The following OSBPL8 variants were observed in gnomAD, a reference collection of about 807,000 sequenced individuals.
OSBPL8 encodes oxysterol-binding protein-related protein 8.
A neutral mutation model predicts 125.5 loss-of-function variants in OSBPL8; 59 were observed. The ratio of observed to expected loss-of-function variants is 0.47; its 90% CI spans 0.38 to 0.58. The LOEUF is 0.58. Ranked by LOEUF, OSBPL8 falls within the 20% of genes least tolerant of loss-of-function variation. The pLI, the probability that OSBPL8 is intolerant of heterozygous loss-of-function variation, is 0.00. For missense variants in OSBPL8, 758 were observed against 1,047.8 expected (o/e 0.72, Z 3.82); for synonymous variants, 330 against 338.9 (o/e 0.97, Z 0.29).
chr12:76,505,954 T>C (rs546211924), intron 1 of OSBPL8, among the ~76,000 whole-genome samples: 14 of 152,330 alleles, frequency 9.2e-5, no homozygotes, highest in African/African-American at 3.4e-4. Context: ...TCATTTGGGC[T>C]ACTAATTGAG....
At chr12:76,477,672 TA>T (rs1876973824) in intron 2 of OSBPL8, among the ~76,000 whole-genome samples, 1 of 152,150 alleles carries the variant, frequency 6.6e-6, no homozygotes, top group Non-Finnish European at 1.5e-5. Context: ...AAAAACTAAG[TA>T]AATCTGAATC....
chr12:76,518,710 T>A (rs1267873536), intron 1 of OSBPL8, among the ~76,000 whole-genome samples: 1 of 152,162 alleles, frequency 6.6e-6, no homozygotes, highest in Non-Finnish European at 1.5e-5. Flanking sequence ...TAACACCACA[T>A]GGAAGCCACT....
chr12:76,366,608 C>T (rs1298415200), intron 21 of OSBPL8: 3 of 446,592 alleles, frequency 6.7e-6, no homozygotes, highest in East Asian at 7.0e-5. Flanking sequence ...TCTTCTTTTT[C>T]CAGTTTCTCA....
chr12:76,359,856 C>T (rs779548016), intron 21 of OSBPL8, among the ~76,000 whole-genome samples: 69 of 152,094 alleles, frequency 4.5e-4, no homozygotes, highest in Admixed American at 1.7e-3. Flanking sequence ...TCCCACAACA[C>T]GTGGTAATTA....
At chr12:76,457,223 A>T (rs1394547412) in intron 3 of OSBPL8, among the ~76,000 whole-genome samples, 1 of 152,204 alleles carries the variant, frequency 6.6e-6, no homozygotes. Context: ...GAAAATTATT[A>T]CAGTAGTACG....
At chr12:76,491,297 A>T (rs1878689016) in intron 1 of OSBPL8, among the ~76,000 whole-genome samples, 1 of 152,240 alleles carries the variant, frequency 6.6e-6, no homozygotes, top group Non-Finnish European at 1.5e-5. Flanking sequence ...TCTCACAGTA[A>T]CTATAAATAT....
chr12:76,466,100 C>A (rs1426752609), intron 2 of OSBPL8, among the ~76,000 whole-genome samples: 1 of 151,920 alleles, frequency 6.6e-6, no homozygotes, highest in African/African-American at 2.4e-5. Flanking sequence ...TATGATATGA[C>A]CCTACTTTTA....
chr12:76,419,637 T>C (rs1052809652), intron 4 of OSBPL8, among the ~76,000 whole-genome samples: 3 of 152,050 alleles, frequency 2.0e-5, no homozygotes, highest in African/African-American at 4.8e-5. Flanking sequence ...ATTCTCTTCA[T>C]ATAAAAAGAA....
intron 3 of OSBPL8, among the ~76,000 whole-genome samples, chr12:76,455,944 G>C (rs1415188062): frequency 6.6e-6 from 1 of 152,138 alleles, no homozygotes; most frequent in Admixed American, 6.5e-5. Context: ...GCCCTCTGCT[G>C]TTTCTACTTC....
At chr12:76,484,931 T>C (rs1159160385) in intron 2 of OSBPL8, among the ~76,000 whole-genome samples, 3 of 152,166 alleles carry the variant, frequency 2.0e-5, no homozygotes, top group African/African-American at 4.8e-5. Context: ...ATTTTTATTA[T>C]TTTTTTGAGA....
intron 5 of OSBPL8, among the ~76,000 whole-genome samples, chr12:76,408,764 C>T (rs1394287262): frequency 6.6e-6 from 1 of 152,062 alleles, no homozygotes; most frequent in African/African-American, 2.4e-5. Flanking sequence ...GTACCCAAAG[C>T]ATAGTTCTAA....
At chr12:76,513,744 GT>G (rs35639287) in intron 1 of OSBPL8, among the ~76,000 whole-genome samples, 28,598 of 105,314 alleles carry the variant, frequency 0.27, 3,436 homozygotes, top group African/African-American at 0.33. Context: ...TAACCCCTGG[GT>G]TTTTTTTTTT....
At chr12:76,531,781 T>A (rs1288322791) in intron 1 of OSBPL8, among the ~76,000 whole-genome samples, 2 of 152,098 alleles carry the variant, frequency 1.3e-5, no homozygotes, top group Non-Finnish European at 2.9e-5. Context: ...CTCACGCCTG[T>A]AATCCCAGCA....
At chr12:76,500,848 A>G (rs566048330) in intron 1 of OSBPL8, among the ~76,000 whole-genome samples, 1 of 152,314 alleles carries the variant, frequency 6.6e-6, no homozygotes, top group South Asian at 2.1e-4. Flanking sequence ...GGGGCCACAT[A>G]TATGTTTGGA....
At chr12:76,530,548 CT>C (rs924033932) in intron 1 of OSBPL8, among the ~76,000 whole-genome samples, 41 of 152,010 alleles carry the variant, frequency 2.7e-4, no homozygotes, top group Non-Finnish European at 5.4e-4. Context: ...TTACCAACTA[CT>C]TTTTTTTCCA....
At chr12:76,511,525 T>G (rs1239092793) in intron 1 of OSBPL8, among the ~76,000 whole-genome samples, 2 of 152,270 alleles carry the variant, frequency 1.3e-5, no homozygotes, top group Non-Finnish European at 2.9e-5. Flanking sequence ...AGGTATGTCT[T>G]CTTTCGAAAA....
intron 3 of OSBPL8, among the ~76,000 whole-genome samples, chr12:76,458,299 G>C (rs1347477855): frequency 6.6e-6 from 1 of 151,724 alleles, no homozygotes; most frequent in African/African-American, 2.4e-5. Context: ...AACATTTTGA[G>C]ATTTGTGTTC....
At chr12:76,494,568 T>A (rs1430184582) in intron 1 of OSBPL8, among the ~76,000 whole-genome samples, 1 of 152,062 alleles carries the variant, frequency 6.6e-6, no homozygotes, top group African/African-American at 2.4e-5. Context: ...CTACATGAAT[T>A]TTGAAGGTAG....
intron 4 of OSBPL8, among the ~76,000 whole-genome samples, chr12:76,430,441 G>A (rs1402663493): frequency 6.6e-6 from 1 of 152,140 alleles, no homozygotes; most frequent in Non-Finnish European, 1.5e-5. Flanking sequence ...GACTGGAGGA[G>A]GTATTTGCTC....
Sources: allele counts gnomAD v4.1 joint callset (sites outside exome capture counted in the v4.1 genomes callset), GRCh38; gene constraint gnomAD v4.1.1; transcripts MANE v1.5; gene names NCBI Gene and HGNC (gene_info 2026-07-23, HGNC 2026-07-21).